The following ADGRL2 variants were observed in gnomAD, a reference collection of about 807,000 sequenced individuals.
ADGRL2 encodes the protein calcium-independent alpha-latrotoxin receptor 2.
A neutral mutation model predicts 157.4 loss-of-function variants in ADGRL2; 44 were observed. The observed-to-expected ratio is 0.28, with a 90% CI of 0.22 to 0.36. ADGRL2 has a LOEUF of 0.36. Ranked by LOEUF, ADGRL2 falls within the 10% of genes least tolerant of loss-of-function variation. ADGRL2 has a pLI of 1.00. For synonymous variants in ADGRL2, 585 were observed against 624.7 expected (o/e 0.94, Z 0.95); for missense variants, 1,510 against 1,768.9 (o/e 0.85, Z 2.63).
At chr1:81,895,264 A>G (rs1230071665) in intron 2 of ADGRL2, among the ~76,000 whole-genome samples, 1 of 152,172 alleles carries the variant, frequency 6.6e-6, no homozygotes, top group African/African-American at 2.4e-5. Flanking sequence ...GTTGTTACAC[A>G]GGTAACTTTA....
chr1:81,979,915 A>C lies in ADGRL2; in HGVS notation c.3068A>C (p.His1023Pro). 6.2e-7 allele frequency: 1 copy of C among 1,608,960 alleles called. No homozygotes were observed. The highest frequency in any genetic ancestry group is 8.5e-7 in the Non-Finnish European group (1 of 1,176,326). ...ATCACATTGTGCAAAATGGTGAAGC[A>C]TTCAAACACTTTGAAACCAGATTCT... is the stretch of plus-strand genomic sequence containing the variant. The part of the protein sequence containing the change: ...LVITLCKMVK[H>P]SNTLKPDSSR... The change falls in exon 18 of 24, where the codon CAT (histidine) becomes CCT (proline). Residue 1023 changes from histidine to proline, a missense_variant. By Grantham distance (77) the His-to-Pro change is moderately conservative. Transcript: ENST00000686636.
chr1:81,954,316 G>A (rs1652783748), intron 10 of ADGRL2, among the ~76,000 whole-genome samples: 2 of 151,906 alleles, frequency 1.3e-5, no homozygotes, highest in Non-Finnish European at 2.9e-5. Flanking sequence ...TAAATAAGGA[G>A]TGTTTCAAAT....
At chr1:81,705,303 T>C (rs1377845349) in intron 1 of ADGRL2, among the ~76,000 whole-genome samples, 3 of 152,154 alleles carry the variant, frequency 2.0e-5, no homozygotes, top group Non-Finnish European at 4.4e-5. Flanking sequence ...GGTGCTGGGA[T>C]TATAGGCATG....
At chr1:81,879,109 G>T (rs997728331) in intron 2 of ADGRL2, among the ~76,000 whole-genome samples, 2 of 152,078 alleles carry the variant, frequency 1.3e-5, no homozygotes, top group African/African-American at 2.4e-5. Flanking sequence ...CTGATAAAAA[G>T]ATTAGTTTAG....
intron 1 of ADGRL2, among the ~76,000 whole-genome samples, chr1:81,440,532 G>A (rs992046614): frequency 6.6e-6 from 1 of 152,012 alleles, no homozygotes; most frequent in East Asian, 1.9e-4. Context: ...AGACAATCCC[G>A]CAGATTTTAA....
chr1:81,715,514 C>T (rs2084084783), intron 1 of ADGRL2, among the ~76,000 whole-genome samples: 1 of 151,990 alleles, frequency 6.6e-6, no homozygotes. Flanking sequence ...TAAAATCATC[C>T]TTATGAATCT....
intron 1 of ADGRL2, among the ~76,000 whole-genome samples, chr1:81,322,318 T>C (rs1323644024): frequency 6.6e-6 from 1 of 151,790 alleles, no homozygotes; most frequent in African/African-American, 2.4e-5. Context: ...TCAAAGTAAA[T>C]ATGGTTAGCC....
chr1:81,942,499 T>A (rs376323265), intron 5 of ADGRL2, among the ~76,000 whole-genome samples: 16 of 151,952 alleles, frequency 1.1e-4, no homozygotes, highest in East Asian at 7.7e-4. Context: ...CAGTCTAACT[T>A]ATGTAAAAGT....
intron 3 of ADGRL2, among the ~76,000 whole-genome samples, chr1:81,607,751 G>T (rs1257931588): frequency 6.6e-6 from 1 of 152,086 alleles, no homozygotes; most frequent in Non-Finnish European, 1.5e-5. Context: ...CTAACTTCCT[G>T]ACATGACTTG....
intron 1 of ADGRL2, among the ~76,000 whole-genome samples, chr1:81,428,834 C>A (rs773189916): frequency 1.3e-5 from 2 of 152,092 alleles, no homozygotes; most frequent in African/African-American, 4.8e-5. Flanking sequence ...CATAAAGCAC[C>A]TCTCTGTGCT....
intron 4 of ADGRL2, among the ~76,000 whole-genome samples, chr1:81,940,386 G>T (rs563696172): frequency 6.6e-6 from 1 of 151,624 alleles, no homozygotes; most frequent in East Asian, 1.9e-4. Context: ...TCGCTGAGGA[G>T]TAATTTTAGG....
chr1:81,593,867 A>G (rs2081179917), intron 3 of ADGRL2, among the ~76,000 whole-genome samples: 1 of 152,154 alleles, frequency 6.6e-6, no homozygotes, highest in Admixed American at 6.5e-5. Context: ...AGAGGCTCCA[A>G]TTTTTTGTAA....
chr1:81,922,495 T>C (rs1261888843), intron 3 of ADGRL2, among the ~76,000 whole-genome samples: 1 of 152,202 alleles, frequency 6.6e-6, no homozygotes, highest in East Asian at 1.9e-4. Context: ...TTTGAGTCCT[T>C]AATATTAACT....
intron 3 of ADGRL2, among the ~76,000 whole-genome samples, chr1:81,632,275 G>A (rs929078676): frequency 6.6e-6 from 1 of 152,108 alleles, no homozygotes; most frequent in Non-Finnish European, 1.5e-5. Context: ...AAAATAAAAG[G>A]ATAAAGAGCG....
At chr1:81,925,581 C>A (rs930596347) in intron 3 of ADGRL2, among the ~76,000 whole-genome samples, 2 of 149,670 alleles carry the variant, frequency 1.3e-5, no homozygotes, top group Non-Finnish European at 3.0e-5. Flanking sequence ...AAAGTAAGCA[C>A]TTACAGAACA....
intron 2 of ADGRL2, among the ~76,000 whole-genome samples, chr1:81,789,962 T>C (rs1346199867): frequency 6.6e-6 from 1 of 152,146 alleles, no homozygotes; most frequent in African/African-American, 2.4e-5. Flanking sequence ...AACATGGTAC[T>C]TTTTAGCATA....
chr1:81,622,608 G>T (rs1024257740), intron 3 of ADGRL2, among the ~76,000 whole-genome samples: 1 of 151,856 alleles, frequency 6.6e-6, no homozygotes, highest in Admixed American at 6.6e-5. Flanking sequence ...GTTTTTGGGG[G>T]ACCAGGCACA....
At chr1:81,437,656 A>C (rs1170929597) in intron 1 of ADGRL2, among the ~76,000 whole-genome samples, 1 of 152,214 alleles carries the variant, frequency 6.6e-6, no homozygotes, top group Admixed American at 6.5e-5. Flanking sequence ...AATCAAGACA[A>C]GACAGCCAGA....
At chr1:81,851,654 A>G (rs1226631791) in intron 2 of ADGRL2, among the ~76,000 whole-genome samples, 1 of 151,416 alleles carries the variant, frequency 6.6e-6, no homozygotes, top group African/African-American at 2.4e-5. Flanking sequence ...CTTTACTGTT[A>G]ATATTAAAAT....
Sources: allele counts gnomAD v4.1 joint callset (sites outside exome capture counted in the v4.1 genomes callset), GRCh38; gene constraint gnomAD v4.1.1; transcripts MANE v1.5; gene names NCBI Gene and HGNC (gene_info 2026-07-23, HGNC 2026-07-21).